TRPS1: variants seen among roughly 807,000 people sequenced by gnomAD.
TRPS1 encodes transcriptional repressor GATA binding 1.
Under a neutral mutation model 101.2 loss-of-function variants are expected in TRPS1, and 6 were observed. That is an observed-to-expected ratio of 0.06 (90% CI 0.03 to 0.12). TRPS1 has a LOEUF of 0.12. Among genes scored for constraint, TRPS1 ranks in the 10% least tolerant of loss-of-function variants. The pLI is 1.00. For missense variants in TRPS1, 1,363 were observed against 1,567.0 expected (o/e 0.87, Z 2.20); for synonymous variants, 578 against 589.8 (o/e 0.98, Z 0.29).
intron 4 of TRPS1, among the ~76,000 whole-genome samples, chr8:115,596,890 C>A (rs1817800521): frequency 6.6e-6 from 1 of 151,900 alleles, no homozygotes; most frequent in Non-Finnish European, 1.5e-5. Context: ...CACTATCCCA[C>A]TGTGACTTGT....
intron 5 of TRPS1, among the ~76,000 whole-genome samples, chr8:115,552,189 G>A (rs1816721180): frequency 6.6e-6 from 1 of 152,044 alleles, no homozygotes; most frequent in Non-Finnish European, 1.5e-5. Context: ...TGACCTTTAT[G>A]TCACCAAATC....
intron 1 of TRPS1, among the ~76,000 whole-genome samples, chr8:115,645,944 T>A (rs1396005446): frequency 6.6e-6 from 1 of 152,118 alleles, no homozygotes; most frequent in Non-Finnish European, 1.5e-5. Context: ...TGGGATAATA[T>A]AATGCCACTC....
intron 5 of TRPS1, among the ~76,000 whole-genome samples, chr8:115,570,380 C>A (rs1429815298): frequency 6.6e-6 from 1 of 151,834 alleles, no homozygotes; most frequent in Non-Finnish European, 1.5e-5. Flanking sequence ...TCTCATACAG[C>A]AAATAAAATA....
intron 2 of TRPS1, among the ~76,000 whole-genome samples, chr8:115,620,704 C>G (rs1027492340): frequency 6.6e-6 from 1 of 152,176 alleles, no homozygotes; most frequent in South Asian, 2.1e-4. Flanking sequence ...GGATGACAAA[C>G]GTTCCAGCTC....
rs767280163 is a variant in TRPS1, at chr8:115,414,770, T to C, written c.3138A>G (p.Gln1046=). ...GACTTTTTATCTGAATGTGCAAAGG[T>C]TGCATCCTTTTGTGAATATCCAGAG... The part of the protein sequence containing the change: ...SQTLDIHKRM[Q]PLHIQIKSPQ... Residue 1046 remains glutamine, a synonymous_variant, in exon 7 of 7, where the codon CAA becomes CAG. Transcript: ENST00000395715. The surrounding 1 kb of genome is among the most constrained non-coding windows in gnomAD (Gnocchi z 4.8). 1.9e-6 allele frequency: 3 copies of C among 1,614,056 alleles called. No individual in the cohort carries two copies. Among genetic ancestry groups the C allele is most frequent in the Admixed American group, 1.7e-5 (1 of 59,994 alleles).
intron 5 of TRPS1, among the ~76,000 whole-genome samples, chr8:115,509,176 C>A (rs969543598): frequency 1.3e-5 from 2 of 151,936 alleles, no homozygotes; most frequent in African/African-American, 2.4e-5. Flanking sequence ...TAAATGGAGT[C>A]TACAAGGTGT....
intron 6 of TRPS1, among the ~76,000 whole-genome samples, chr8:115,417,832 A>G (rs1347557725): frequency 2.0e-5 from 3 of 152,164 alleles, no homozygotes; most frequent in Non-Finnish European, 4.4e-5. Flanking sequence ...AATTCAGTTC[A>G]GAACTGTCCT....
chr8:115,524,269 A>G (rs1307669362), intron 5 of TRPS1, among the ~76,000 whole-genome samples: 1 of 151,446 alleles, frequency 6.6e-6, no homozygotes, highest in African/African-American at 2.4e-5. Context: ...TTCATAACAT[A>G]AAACACTCAC....
intron 4 of TRPS1, among the ~76,000 whole-genome samples, chr8:115,595,103 T>A (rs750275879): frequency 9.2e-5 from 14 of 151,990 alleles, no homozygotes; most frequent in Admixed American, 2.0e-4. Flanking sequence ...TCAGAGGTTT[T>A]TTTTGGTTAT....
At chr8:115,416,880 T>C (rs927444831) in intron 6 of TRPS1, among the ~76,000 whole-genome samples, 9 of 152,158 alleles carry the variant, frequency 5.9e-5, no homozygotes, top group Non-Finnish European at 1.0e-4. Context: ...TATAAACATA[T>C]GCATTATTTA....
Position 115,411,011 on chromosome 8 carries a change from A to G in TRPS1, c.*3012T>C, listed in dbSNP as rs1006738782. 6.6e-6 allele frequency: 1 copy of G among 151,836 alleles called. No individual in the cohort carries two copies. The highest frequency in any genetic ancestry group is 2.4e-5 in the African/African-American group (1 of 41,426). 9.4% of individuals were successfully genotyped at this position (151,836 alleles called of 1,614,324 possible). On this transcript the variant is annotated 3_prime_UTR_variant, in exon 7 of 7. Transcript: ENST00000395715. ...TATAATATATCTTGAGAGATGGAAT[A>G]AAGGCTTTAATATGTCAAAAAAGGA...
intron 5 of TRPS1, among the ~76,000 whole-genome samples, chr8:115,573,539 C>T (rs1350248997): frequency 6.6e-6 from 1 of 152,122 alleles, no homozygotes; most frequent in East Asian, 1.9e-4. Context: ...CCTGTTATTA[C>T]TCATAGAGTA....
chr8:115,495,274 A>G (rs1213079993), intron 5 of TRPS1, among the ~76,000 whole-genome samples: 2 of 152,098 alleles, frequency 1.3e-5, no homozygotes, highest in African/African-American at 4.8e-5. Flanking sequence ...TGACAACATG[A>G]TGCAACTCTG....
At chr8:115,446,443 T>C (rs539668887) in intron 5 of TRPS1, among the ~76,000 whole-genome samples, 2 of 152,024 alleles carry the variant, frequency 1.3e-5, no homozygotes, top group African/African-American at 2.4e-5. Context: ...TTGTCTAGTA[T>C]TGAGATTGGT....
At chr8:115,551,853 T>A (rs1816713065) in intron 5 of TRPS1, among the ~76,000 whole-genome samples, 2 of 152,182 alleles carry the variant, frequency 1.3e-5, no homozygotes, top group Admixed American at 1.3e-4. Flanking sequence ...ATTTAGTGTA[T>A]CCCCTTTATC....
At chr8:115,514,935 T>A (rs918784205) in intron 5 of TRPS1, among the ~76,000 whole-genome samples, 1 of 151,592 alleles carries the variant, frequency 6.6e-6, no homozygotes, top group African/African-American at 2.4e-5. Context: ...AAAGAATACA[T>A]TTTGATGGTT....
chr8:115,420,457 A>G (rs1175277515), intron 5 of TRPS1, among the ~76,000 whole-genome samples: 2 of 152,202 alleles, frequency 1.3e-5, no homozygotes, highest in Non-Finnish European at 2.9e-5. Flanking sequence ...AACTTGGTCC[A>G]CACAAGGGCA....
Position 115,587,560 on chromosome 8 carries a change from G to C in TRPS1, c.2141C>G (p.Ala714Gly). The C allele has an allele frequency of 6.2e-7, 1 of 1,614,186 alleles. No homozygotes were observed. Among genetic ancestry groups the C allele is most frequent in the Non-Finnish European group, 8.5e-7 (1 of 1,180,012 alleles). ...CYKCRQCSFT[A>G]ADTQSLLEHF... is the part of the protein sequence containing the mutation. ...CTCCAGTAGTGACTGAGTATCGGCA[G>C]CTGTAAAACTGCACTGACGGCATTT... Residue 714 changes from alanine (A) to glycine (G), a missense_variant, in exon 5 of 7, where the codon GCT becomes GGT. Transcript: ENST00000395715.
chr8:115,655,281 CATT>C (rs1811652455), intron 1 of TRPS1, among the ~76,000 whole-genome samples: 1 of 152,164 alleles, frequency 6.6e-6, no homozygotes, highest in Non-Finnish European at 1.5e-5. Context: ...AAAGTTCCAT[CATT>C]GAGAAAAGAA....
Sources: allele counts gnomAD v4.1 joint callset (sites outside exome capture counted in the v4.1 genomes callset), GRCh38; gene constraint gnomAD v4.1.1; non-coding constraint Gnocchi (gnomAD v3.1); transcripts MANE v1.5; gene names NCBI Gene and HGNC (gene_info 2026-07-23, HGNC 2026-07-21).